Variants in MCUB observed in about 807,000 individuals in gnomAD.
The protein encoded by MCUB is calcium uniporter regulatory subunit MCUb, mitochondrial.
A neutral mutation model predicts 41.4 loss-of-function variants in MCUB; 46 were observed. That is an observed-to-expected ratio of 1.11 (90% CI 0.88 to 1.42). The LOEUF (loss-of-function observed/expected upper bound fraction) is 1.42. Among genes scored for constraint, MCUB ranks in the 40% most tolerant of loss-of-function variants. The probability of loss-of-function intolerance (pLI) is 0.00; values close to 1 mark genes in which losing one functional copy is unlikely to be tolerated. For missense variants in MCUB, 403 were observed against 404.9 expected (o/e 1.00, Z 0.04); for synonymous variants, 148 against 148.2 (o/e 1.00, Z 0.01).
At chr4:109,617,239 C>T (rs1385603252) in intron 1 of MCUB, among the ~76,000 whole-genome samples, 1 of 152,214 alleles carries the variant, frequency 6.6e-6, no homozygotes, top group African/African-American at 2.4e-5. Context: ...TCCCTTAGCT[C>T]ATTGGTTTGA....
chr4:109,638,411 TAAAAA>T (rs60114567), intron 1 of MCUB, among the ~76,000 whole-genome samples: 6 of 138,356 alleles, frequency 4.3e-5, no homozygotes, highest in East Asian at 4.2e-4. Flanking sequence ...GCATTATATC[TAAAAA>T]AAAAAAAAAA....
At chr4:109,568,215 A>G (rs868702392) in intron 1 of MCUB, among the ~76,000 whole-genome samples, 2 of 152,188 alleles carry the variant, frequency 1.3e-5, no homozygotes, top group Non-Finnish European at 2.9e-5. Context: ...TAGAAGATAG[A>G]ATTGGTATAA....
At chr4:109,625,338 TCAAA>T (rs1046068216) in intron 1 of MCUB, among the ~76,000 whole-genome samples, 6 of 152,304 alleles carry the variant, frequency 3.9e-5, no homozygotes, top group African/African-American at 1.2e-4. Flanking sequence ...GTTCAATGCT[TCAAA>T]CATTCTTCAG....
At chr4:109,596,833 A>AT (rs1404401111) in intron 1 of MCUB, among the ~76,000 whole-genome samples, 1 of 150,916 alleles carries the variant, frequency 6.6e-6, no homozygotes, top group African/African-American at 2.4e-5. Context: ...CAGCAGATAA[A>AT]CAAGTGAACA....
chr4:109,680,513 C>T (rs1242157538), intron 4 of MCUB, among the ~76,000 whole-genome samples: 1 of 145,350 alleles, frequency 6.9e-6, no homozygotes. Context: ...CTTTGCCTAT[C>T]TTCCATCTAT....
intron 1 of MCUB, among the ~76,000 whole-genome samples, chr4:109,594,908 G>A (rs1419924002): frequency 6.6e-6 from 1 of 151,788 alleles, no homozygotes; most frequent in Non-Finnish European, 1.5e-5. Flanking sequence ...GGGAAGAACA[G>A]GCAAGCCTTG....
chr4:109,634,522 G>A (rs11938222), intron 1 of MCUB, among the ~76,000 whole-genome samples: 84,928 of 150,360 alleles, frequency 0.56, 24,144 homozygotes, highest in East Asian at 0.72. Context: ...TCCATGCTCC[G>A]TTTTAGTCAC....
At chr4:109,638,620 G>A (rs1015674692) in intron 1 of MCUB, among the ~76,000 whole-genome samples, 4 of 152,084 alleles carry the variant, frequency 2.6e-5, no homozygotes, top group Non-Finnish European at 5.9e-5. Flanking sequence ...GAAGTTTGCT[G>A]CATCCACCAA....
At chr4:109,560,479 T>A in intron 1 of MCUB, 43 bp downstream of exon 1, 1 of 961,716 alleles carries the variant, frequency 1.0e-6, no homozygotes, top group Non-Finnish European at 1.4e-6. Context: ...GGTAGGCTGG[T>A]GCAAAGTTTG....
chr4:109,620,732 T>C (rs976640334), intron 1 of MCUB, among the ~76,000 whole-genome samples: 2 of 152,038 alleles, frequency 1.3e-5, no homozygotes, highest in African/African-American at 2.4e-5. Flanking sequence ...ATTAATAACA[T>C]ATTGTCTTTA....
At chr4:109,611,667 C>T (rs1303393672) in intron 1 of MCUB, among the ~76,000 whole-genome samples, 10 of 152,176 alleles carry the variant, frequency 6.6e-5, no homozygotes, top group Non-Finnish European at 1.3e-4. Context: ...AGGACCAAAC[C>T]TCACAGTAGT....
intron 1 of MCUB, among the ~76,000 whole-genome samples, chr4:109,573,312 G>A (rs1726955823): frequency 6.6e-6 from 1 of 152,040 alleles, no homozygotes; most frequent in Non-Finnish European, 1.5e-5. Flanking sequence ...AATTAGCCAC[G>A]CGTGGTGGTG....
chr4:109,614,644 T>C (rs1728087638), intron 1 of MCUB, among the ~76,000 whole-genome samples: 1 of 149,908 alleles, frequency 6.7e-6, no homozygotes, highest in South Asian at 2.2e-4. Context: ...GCATCCTAGA[T>C]TGACTGAGAC....
At chr4:109,594,588 G>C (rs1365817090) in intron 1 of MCUB, among the ~76,000 whole-genome samples, 1 of 152,058 alleles carries the variant, frequency 6.6e-6, no homozygotes, top group Non-Finnish European at 1.5e-5. Context: ...GAACCCGGGA[G>C]GCGGAGGTTG....
chr4:109,564,310 A>AT (rs1291427988), intron 1 of MCUB, among the ~76,000 whole-genome samples: 1 of 151,674 alleles, frequency 6.6e-6, no homozygotes, highest in African/African-American at 2.4e-5. Context: ...AATTTTTTGT[A>AT]TTTTAGTAGA....
Position 109,560,424 on chromosome 4 carries a change from G to A in MCUB, c.87G>A (p.Pro29=), listed in dbSNP as rs1406129007. The change falls in exon 1 of 8, where the codon CCG becomes CCA. Residue 29 remains proline, a synonymous_variant. Transcript: ENST00000394650. ...GCCCAGCGCGCCCGTGGCCGCTGCC[G>A]CCTCCGCCCCAGGTAAGAGCGGGTG... ...TWRPARPWPL[P]PPPQVLRVKL... 7.7e-7 allele frequency: 1 copy of A among 1,292,856 alleles called. No individual in the cohort carries two copies. 80.1% of individuals were successfully genotyped at this position (1,292,856 alleles called of 1,614,324 possible).
chr4:109,630,556 G>A (rs1728452750), intron 1 of MCUB, among the ~76,000 whole-genome samples: 1 of 149,272 alleles, frequency 6.7e-6, no homozygotes, highest in Admixed American at 6.8e-5. Flanking sequence ...GATTTCAGCT[G>A]CAAAATTCTG....
rs1726592157 is a variant in MCUB at position 109,560,385 on chromosome 4, C to T, written c.48C>T (p.Thr16=). The change falls in exon 1 of 8, where the codon ACC becomes ACT. Residue 16 remains threonine (T), a synonymous_variant. Transcript: ENST00000394650. ...CGTGGCGCACGCGGCTGCTGCCGAC[C>T]CCTGGCACCTGGCGCCCAGCGCGCC... ...LWPWRTRLLP[T]PGTWRPARPW... 2 of 1,328,998 alleles carry T rather than the reference C, an allele frequency of 1.5e-6. No individual in the cohort carries two copies. Among genetic ancestry groups the T allele is most frequent in the African/African-American group, 1.5e-5 (1 of 65,658 alleles). The allele number at this position is 1,328,998 out of a possible 1,614,324, so 82.3% of individuals were successfully genotyped here.
intron 4 of MCUB, among the ~76,000 whole-genome samples, chr4:109,667,662 T>C (rs1729372444): frequency 6.7e-6 from 1 of 150,358 alleles, no homozygotes; most frequent in Non-Finnish European, 1.5e-5. Flanking sequence ...TAATAAATAT[T>C]CTACTATATT....
Sources: gnomAD v4.1 joint callset for allele counts (sites outside exome capture counted in the v4.1 genomes callset) on GRCh38, gnomAD v4.1.1 for gene constraint, MANE v1.5 for transcripts, NCBI Gene and HGNC (gene_info 2026-07-23, HGNC 2026-07-21) for gene names.